LYRM4: variants seen among roughly 807,000 people sequenced by gnomAD.
The protein encoded by LYRM4 is LYR motif containing 4, also known as LYR motif-containing protein 4.
LYRM4 carries 9 observed loss-of-function variants against 11.7 expected under a neutral mutation model. The ratio of observed to expected loss-of-function variants is 0.77; its 90% confidence interval spans 0.46 to 1.34. The LOEUF (loss-of-function observed/expected upper bound fraction) is 1.34, where lower values mean the gene tolerates loss of function less well. LYRM4 is among the 40% of genes most tolerant of loss of function. LYRM4 has a pLI of 0.00. For missense variants in LYRM4, 133 were observed against 112.5 expected, an observed-to-expected ratio of 1.18 and a Z score of -0.82; for synonymous variants, 42 against 40.4, an observed-to-expected ratio of 1.04 and a Z score of -0.15.
At chr6:5,066,767 C>T in the LYRM4 span, 10 of 743,796 alleles carry the variant, frequency 1.3e-5, no homozygotes, top group East Asian at 2.5e-4. Flanking sequence ...TTACGTAACG[C>T]TTAAAGTCTA....
chr6:5,138,827 G>A (rs1162213083), intron 2 of LYRM4: 9 of 970,444 alleles, frequency 9.3e-6, no homozygotes, highest in African/African-American at 1.6e-5. Context: ...AGAAGCAAGT[G>A]CTAGAGGTGT....
intron 2 of LYRM4, among the ~76,000 whole-genome samples, chr6:5,200,650 C>A (rs1260696718): frequency 2.0e-5 from 3 of 152,218 alleles, no homozygotes; most frequent in Non-Finnish European, 4.4e-5. Context: ...TTGTGGAGAA[C>A]ATGCACTCTG....
the LYRM4 span, among the ~76,000 whole-genome samples, chr6:5,093,832 T>C: frequency 1.3e-5 from 2 of 152,196 alleles, no homozygotes; most frequent in African/African-American, 4.8e-5. Flanking sequence ...TCGACCACCA[T>C]TGTAATATCA....
At chr6:5,157,981 G>T (rs563645049) in intron 2 of LYRM4, among the ~76,000 whole-genome samples, 2 of 152,200 alleles carry the variant, frequency 1.3e-5, no homozygotes, top group Non-Finnish European at 2.9e-5. Context: ...GACTTGACAG[G>T]GGGGCTGGCC....
At chr6:5,164,033 A>G (rs1758926097) in intron 2 of LYRM4, among the ~76,000 whole-genome samples, 1 of 152,352 alleles carries the variant, frequency 6.6e-6, no homozygotes, top group South Asian at 2.1e-4. Context: ...TCGTTAGAGA[A>G]ATTCAAATTA....
At chr6:5,157,383 G>A (rs192546667) in intron 2 of LYRM4, among the ~76,000 whole-genome samples, 20 of 152,178 alleles carry the variant, frequency 1.3e-4, no homozygotes, top group Admixed American at 8.5e-4. Context: ...TCGGATTGTC[G>A]TTTATTTGTG....
chr6:5,124,422 T>C lies in LYRM4; in HGVS notation c.208-14931A>G, dbSNP rs76573080. ...TAGAAAATTTAGAGAAAAGGTTTCT[T>C]TCCTAGCAGACACAGGGCTGAGTTC... On this transcript the variant is annotated intron_variant, in intron 2 of 2. Coordinates refer to ENST00000330636, the MANE Select transcript of LYRM4 (RefSeq NM_020408.6). 7.0e-3 allele frequency among the ~76,000 whole-genome samples: 1,067 copies of C among 152,312 alleles called. 11 individuals are homozygous for C. The highest frequency in any genetic ancestry group is 0.024 in the African/African-American group (1,015 of 41,566).
chr6:5,254,819 C>T lies in LYRM4; in HGVS notation c.86+5829G>A, dbSNP rs575725363. On this transcript the variant is annotated intron_variant, in intron 1 of 2. Transcript: ENST00000330636. ...CCCCACCAGCTGTGCTCTCAGGTAC[C>T]ACTTTTCACCTCTCGTGGGGTCCTG... 7.9e-4 allele frequency among the ~76,000 whole-genome samples: 121 copies of T among 152,266 alleles called. 1 individual carries two copies. In the South Asian group the frequency reaches 8.9e-3, roughly 11 times the overall value.
chr6:5,066,505 C>T, the LYRM4 span: 1 of 787,336 alleles, frequency 1.3e-6, no homozygotes, highest in Non-Finnish European at 2.3e-6. Context: ...TTTATTACTC[C>T]ACCACTTCTA....
chr6:5,245,116 ATATATATATATATATATATAT>A (rs1764119801), intron 1 of LYRM4, among the ~76,000 whole-genome samples: 10 of 14,720 alleles, frequency 6.8e-4, no homozygotes, highest in African/African-American at 1.5e-3. Context: ...AAAAAAAAAT[ATATATATATATATATATATAT>A]ATATATATAT....
At chr6:5,034,770 T>TTTTTTTTTTTTTTTTTTTTTTTTTC in the LYRM4 span, 4 of 141,196 alleles carry the variant, frequency 2.8e-5, 1 homozygote, top group African/African-American at 1.1e-4. Context: ...TTTTTTTTTT[T>TTTTTTTTTTTTTTTTTTTTTTTTTC]CAAAAAGCGT....
the LYRM4 span, chr6:5,054,188 G>A: frequency 7.6e-6 from 6 of 787,634 alleles, no homozygotes; most frequent in African/African-American, 7.5e-5. Flanking sequence ...GGGTGGGAAA[G>A]GAAGGAAAGA....
intron 2 of LYRM4, among the ~76,000 whole-genome samples, chr6:5,180,859 C>T (rs955254840): frequency 3.9e-5 from 6 of 152,202 alleles, no homozygotes; most frequent in Admixed American, 6.5e-5. Context: ...ACTGGTCTTG[C>T]TAGTGAAGTA....
intron 2 of LYRM4, among the ~76,000 whole-genome samples, chr6:5,168,370 C>G (rs1489441996): frequency 6.6e-6 from 1 of 152,170 alleles, no homozygotes; most frequent in African/African-American, 2.4e-5. Context: ...AAGTTGGCAT[C>G]GCCAATAATG....
intron 2 of LYRM4, among the ~76,000 whole-genome samples, chr6:5,159,545 T>G (rs991889505): frequency 5.9e-5 from 9 of 152,196 alleles, no homozygotes; most frequent in Non-Finnish European, 4.4e-5. Flanking sequence ...AACAAAAGTA[T>G]TTTTAGTGGT....
chr6:5,064,264 G>T, the LYRM4 span, among the ~76,000 whole-genome samples: 3 of 151,960 alleles, frequency 2.0e-5, no homozygotes, highest in African/African-American at 7.2e-5. Flanking sequence ...GCCCGGAAAA[G>T]TTCTATCCCA....
chr6:5,198,757 C>G (rs1376203455), intron 2 of LYRM4, among the ~76,000 whole-genome samples: 1 of 152,166 alleles, frequency 6.6e-6, no homozygotes, highest in Non-Finnish European at 1.5e-5. Flanking sequence ...TGTCCATCCC[C>G]GCCTCCCTGC....
the LYRM4 span, among the ~76,000 whole-genome samples, chr6:5,075,795 T>C: frequency 6.6e-6 from 1 of 152,236 alleles, no homozygotes; most frequent in Non-Finnish European, 1.5e-5. Flanking sequence ...TAATTGCTTT[T>C]TAAATTTTGC....
intron 1 of LYRM4, chr6:5,218,513 A>C (rs753444794): frequency 4.5e-5 from 15 of 330,012 alleles, no homozygotes; most frequent in Non-Finnish European, 6.5e-5. Context: ...GCAAGAGTAA[A>C]ACTAAATCTT....
Sources: allele counts gnomAD v4.1 joint callset (sites outside exome capture counted in the v4.1 genomes callset), GRCh38; gene constraint gnomAD v4.1.1; transcripts MANE v1.5; gene names NCBI Gene and HGNC (gene_info 2026-07-23, HGNC 2026-07-21).